Variants in CAMKMT observed in about 807,000 individuals in gnomAD.
CAMKMT encodes CaM KMT.
Under a neutral mutation model 48.0 loss-of-function variants are expected in CAMKMT, and 53 were observed. That is an observed-to-expected ratio of 1.10 (90% CI 0.89 to 1.39). The LOEUF (loss-of-function observed/expected upper bound fraction) is 1.39, where lower values mean the gene tolerates loss of function less well. Ranked by LOEUF, CAMKMT falls within the 40% of genes most tolerant of loss-of-function variation. The pLI, the probability that CAMKMT is intolerant of heterozygous loss-of-function variation, is 0.00. For synonymous variants in CAMKMT, 165 were observed against 152.3 expected (o/e 1.08, Z -0.61); for missense variants, 428 against 402.7 (o/e 1.06, Z -0.54).
chr2:44,399,989 A>G (rs2104442905), intron 3 of CAMKMT, among the ~76,000 whole-genome samples: 1 of 152,324 alleles, frequency 6.6e-6, no homozygotes, highest in Non-Finnish European at 1.5e-5. Context: ...TGGAAGCTTA[A>G]TTATTTATAG....
chr2:44,521,320 C>T (rs941657371), intron 3 of CAMKMT, among the ~76,000 whole-genome samples: 1 of 152,006 alleles, frequency 6.6e-6, no homozygotes, highest in Non-Finnish European at 1.5e-5. Flanking sequence ...TGCTCTGTTG[C>T]CAGGCTGGAG....
chr2:44,381,803 C>G (rs1446368060), intron 2 of CAMKMT, among the ~76,000 whole-genome samples: 1 of 152,018 alleles, frequency 6.6e-6, no homozygotes, highest in South Asian at 2.1e-4. Flanking sequence ...GGCTGCGTAC[C>G]AAAATTCTCA....
At position 44,456,670 on chromosome 2, in the gene CAMKMT, G is replaced by C. The variant is rs1299468194; in HGVS notation, c.376+66365G>C. 11 of 1,516,880 alleles carry C rather than the reference G, an allele frequency of 7.3e-6. No individual in the cohort carries two copies. In the East Asian group the frequency reaches 2.7e-4, roughly 38 times the overall value. 94.0% of individuals were successfully genotyped at this position (1,516,880 alleles called of 1,614,324 possible). Reference sequence around the variant, plus strand: ...TGGGGAGATGGGACTTATAAGAAAAGATGTTTTGGCCAAGGCATCCTACCT... The same window carrying C: ...TGGGGAGATGGGACTTATAAGAAAACATGTTTTGGCCAAGGCATCCTACCT... On this transcript the variant is annotated intron_variant, in intron 3 of 10. Coordinates refer to ENST00000378494, the MANE Select transcript of CAMKMT (RefSeq NM_024766.5).
chr2:44,586,307 A>C (rs764362215), intron 3 of CAMKMT, among the ~76,000 whole-genome samples: 3 of 151,702 alleles, frequency 2.0e-5, no homozygotes, highest in Admixed American at 6.6e-5. Flanking sequence ...ACAATTTGAT[A>C]AGTTTTAACA....
chr2:44,543,228 G>A (rs1416697189), intron 3 of CAMKMT, among the ~76,000 whole-genome samples: 2 of 152,122 alleles, frequency 1.3e-5, no homozygotes, highest in African/African-American at 4.8e-5. Context: ...ATCTACAGAA[G>A]TGCCTTCTTT....
At chr2:44,514,337 TAGAG>T (rs149281443) in intron 3 of CAMKMT, among the ~76,000 whole-genome samples, 12,942 of 152,114 alleles carry the variant, frequency 0.085, 653 homozygotes, top group African/African-American at 0.14. Flanking sequence ...ACTGACTAGA[TAGAG>T]AGGCTGATAA....
At chr2:44,392,678 A>G (rs1178594059) in intron 3 of CAMKMT, among the ~76,000 whole-genome samples, 6 of 152,022 alleles carry the variant, frequency 3.9e-5, no homozygotes, top group Non-Finnish European at 7.4e-5. Flanking sequence ...ATTCATTTAT[A>G]ATATATTTAA....
At chr2:44,527,300 A>G (rs1049520952) in intron 3 of CAMKMT, among the ~76,000 whole-genome samples, 6 of 144,264 alleles carry the variant, frequency 4.2e-5, no homozygotes, top group African/African-American at 1.5e-4. Context: ...TATAATATAC[A>G]TATATTATTA....
At chr2:44,661,417 G>A (rs181491671) in intron 3 of CAMKMT, among the ~76,000 whole-genome samples, 19 of 144,300 alleles carry the variant, frequency 1.3e-4, no homozygotes, top group African/African-American at 5.0e-4. Flanking sequence ...CTGGGTTCAA[G>A]CGATTCTCCC....
At chr2:44,474,447 AAAAAAAAAAAAAAAAAG>A (rs1281206179) in intron 3 of CAMKMT, among the ~76,000 whole-genome samples, 1 of 142,894 alleles carries the variant, frequency 7.0e-6, no homozygotes, top group Non-Finnish European at 1.5e-5. Context: ...ACTCCGTCTC[AAAAAAAAAAAAAAAAAG>A]AAAAAGAAAA....
At chr2:44,547,122 T>C (rs1178545219) in intron 3 of CAMKMT, among the ~76,000 whole-genome samples, 1 of 152,168 alleles carries the variant, frequency 6.6e-6, no homozygotes. Context: ...TTTTTGTTAT[T>C]GTTATTTTCT....
chr2:44,484,191 A>G (rs1277198991), intron 3 of CAMKMT, among the ~76,000 whole-genome samples: 3 of 151,956 alleles, frequency 2.0e-5, no homozygotes, highest in Non-Finnish European at 2.9e-5. Context: ...GGATAGAGCC[A>G]ATGGGTTTTT....
At chr2:44,718,140 C>T (rs940724792) in intron 7 of CAMKMT, among the ~76,000 whole-genome samples, 11 of 152,186 alleles carry the variant, frequency 7.2e-5, no homozygotes, top group African/African-American at 2.7e-4. Context: ...GCAAGAGGCT[C>T]TGACGCTGAA....
At chr2:44,541,114 T>G (rs1188989033) in intron 3 of CAMKMT, among the ~76,000 whole-genome samples, 1 of 152,200 alleles carries the variant, frequency 6.6e-6, no homozygotes, top group African/African-American at 2.4e-5. Flanking sequence ...TATAGAAGCT[T>G]AATGTTTTAA....
At chr2:44,761,078 T>A (rs1395905703) in intron 9 of CAMKMT, among the ~76,000 whole-genome samples, 1 of 151,936 alleles carries the variant, frequency 6.6e-6, no homozygotes, top group Non-Finnish European at 1.5e-5. Context: ...AGCAGAGGTG[T>A]GGGCAACCCT....
chr2:44,381,996 C>G (rs979944044), intron 2 of CAMKMT, among the ~76,000 whole-genome samples: 3 of 141,240 alleles, frequency 2.1e-5, no homozygotes, highest in African/African-American at 7.9e-5. Flanking sequence ...GGCTGGAATG[C>G]AATGGCACGA....
At chr2:44,634,842 A>C (rs1056920274) in intron 3 of CAMKMT, among the ~76,000 whole-genome samples, 8 of 151,790 alleles carry the variant, frequency 5.3e-5, no homozygotes, top group African/African-American at 1.9e-4. Context: ...CAATAAATGG[A>C]AAGGTAGAGA....
intron 3 of CAMKMT, among the ~76,000 whole-genome samples, chr2:44,425,886 A>G (rs958938905): frequency 1.0e-3 from 154 of 152,228 alleles, no homozygotes; most frequent in African/African-American, 3.4e-3. Flanking sequence ...ATGTGCCACC[A>G]TATCTGGCTA....
chr2:44,411,078 T>A (rs1392231881), intron 3 of CAMKMT, among the ~76,000 whole-genome samples: 1 of 152,230 alleles, frequency 6.6e-6, no homozygotes, highest in African/African-American at 2.4e-5. Context: ...ACCCATTAGT[T>A]CCTACTTGTA....
Sources: gnomAD v4.1 joint callset for allele counts (sites outside exome capture counted in the v4.1 genomes callset) on GRCh38, gnomAD v4.1.1 for gene constraint, MANE v1.5 for transcripts, NCBI Gene and HGNC (gene_info 2026-07-23, HGNC 2026-07-21) for gene names.